FNDC3A: variants seen among roughly 807,000 people sequenced by gnomAD.
FNDC3A encodes fibronectin type III domain containing 3A, also known as fibronectin type-III domain-containing protein 3A.
Under a neutral mutation model 148.9 loss-of-function variants are expected in FNDC3A, and 32 were observed. The ratio of observed to expected loss-of-function variants is 0.21; its 90% CI spans 0.16 to 0.29. The LOEUF is 0.29. FNDC3A is among the 10% of genes least tolerant of loss of function. FNDC3A has a pLI of 1.00. For synonymous variants in FNDC3A, 472 were observed against 473.6 expected, an observed-to-expected ratio of 1.00 and a Z score of 0.04; for missense variants, 1,191 against 1,452.8, an observed-to-expected ratio of 0.82 and a Z score of 2.93.
At chr13:49,157,641 T>A (rs941020884) in intron 8 of FNDC3A, among the ~76,000 whole-genome samples, 1 of 149,898 alleles carries the variant, frequency 6.7e-6, no homozygotes, top group African/African-American at 2.4e-5. Flanking sequence ...TTTTTCCCCA[T>A]CTTTGTGGTT....
At chr13:49,000,241 T>G (rs368444686) in intron 1 of FNDC3A, among the ~76,000 whole-genome samples, 4 of 152,362 alleles carry the variant, frequency 2.6e-5, no homozygotes, top group African/African-American at 7.2e-5. Flanking sequence ...TTTAATCCAT[T>G]TTGAGTTAAT....
intron 2 of FNDC3A, among the ~76,000 whole-genome samples, chr13:49,028,205 ACT>A (rs1202335192): frequency 6.6e-6 from 1 of 151,300 alleles, no homozygotes; most frequent in South Asian, 2.1e-4. Context: ...ACAGAGTGAG[ACT>A]CTGTCTTAAA....
At position 49,167,248 on chromosome 13, in the gene FNDC3A, G is replaced by A. The variant is rs756882400; in HGVS notation, c.982G>A (p.Glu328Lys). Residue 328 changes from glutamate (E) to lysine (K), a missense_variant, in exon 9 of 26, where the codon GAA becomes AAA. By Grantham distance (56) the Glu-to-Lys change is moderately conservative. Transcript: ENST00000492622. ...ATATTACCCTTTTTTCCCCAGAGGA[G>A]AAGAAACAAATATCACTTTAAATGA... ...DGKYKSVYVGEETNITLNDLK... is the reference protein window; with the variant it reads ...DGKYKSVYVGKETNITLNDLK... The A allele has an allele frequency of 1.3e-6, 2 of 1,597,702 alleles. No homozygotes were observed. The highest frequency in any genetic ancestry group is 1.3e-5 in the African/African-American group (1 of 74,394).
chr13:49,180,884 G>A (rs1885266051), intron 14 of FNDC3A, among the ~76,000 whole-genome samples: 1 of 150,924 alleles, frequency 6.6e-6, no homozygotes, highest in South Asian at 2.1e-4. Flanking sequence ...AATACAGCGA[G>A]ATTCTGTCTC....
chr13:49,016,379 G>A (rs1872779703), intron 2 of FNDC3A, among the ~76,000 whole-genome samples: 1 of 152,136 alleles, frequency 6.6e-6, no homozygotes, highest in East Asian at 1.9e-4. Flanking sequence ...AGATTTTCTA[G>A]TTTATTTGCG....
intron 1 of FNDC3A, among the ~76,000 whole-genome samples, chr13:48,983,217 C>G (rs920844914): frequency 1.3e-5 from 2 of 152,108 alleles, no homozygotes; most frequent in African/African-American, 4.8e-5. Flanking sequence ...TATCTTGTGT[C>G]TTTTCACTTG....
chr13:49,094,107 G>A (rs1879371204), intron 3 of FNDC3A, among the ~76,000 whole-genome samples: 1 of 152,044 alleles, frequency 6.6e-6, no homozygotes, highest in Non-Finnish European at 1.5e-5. Context: ...CCTTAATTTT[G>A]ATTACCCTAA....
chr13:49,007,312 GTGT>G (rs1952240197), intron 2 of FNDC3A, among the ~76,000 whole-genome samples: 2 of 152,124 alleles, frequency 1.3e-5, no homozygotes, highest in Admixed American at 1.3e-4. Context: ...ATGGCAGAAA[GTGT>G]TGTGTCCTGG....
intron 1 of FNDC3A, among the ~76,000 whole-genome samples, chr13:48,997,090 A>G (rs1952038136): frequency 6.6e-6 from 1 of 151,878 alleles, no homozygotes; most frequent in East Asian, 1.9e-4. Context: ...AAGACATTGG[A>G]TATCTCAATC....
chr13:48,983,605 C>T (rs1951734907), intron 1 of FNDC3A, among the ~76,000 whole-genome samples: 1 of 152,218 alleles, frequency 6.6e-6, no homozygotes, highest in African/African-American at 2.4e-5. Flanking sequence ...TTGCCAACCT[C>T]TGCAATGGTG....
chr13:49,173,403 A>G (rs1884864677), intron 11 of FNDC3A, among the ~76,000 whole-genome samples: 1 of 152,236 alleles, frequency 6.6e-6, no homozygotes. Context: ...ATTTGATAAA[A>G]ATTACCATTC....
chr13:49,131,484 A>T (rs552650606), intron 5 of FNDC3A, 110 bp downstream of exon 5: 2 of 820,452 alleles, frequency 2.4e-6, no homozygotes, highest in East Asian at 4.9e-5. Flanking sequence ...GTAATGATGT[A>T]ACAGGCATTT....
chr13:49,056,788 A>T (rs557037922), intron 2 of FNDC3A, among the ~76,000 whole-genome samples: 1 of 152,128 alleles, frequency 6.6e-6, no homozygotes, highest in Non-Finnish European at 1.5e-5. Flanking sequence ...GTCTGTTTTC[A>T]TAGTTTATTA....
intron 2 of FNDC3A, chr13:49,045,673 GA>G: frequency 1.8e-6 from 2 of 1,105,830 alleles, no homozygotes; most frequent in Non-Finnish European, 2.6e-6. Context: ...GCTCTGAAGA[GA>G]AACAGAGAAA....
intron 2 of FNDC3A, among the ~76,000 whole-genome samples, chr13:49,012,213 A>G (rs892102300): frequency 6.6e-6 from 1 of 151,954 alleles, no homozygotes; most frequent in East Asian, 1.9e-4. Flanking sequence ...CCATGGGTTC[A>G]TGCCATTCTC....
chr13:49,131,897 T>C (rs931719822), intron 5 of FNDC3A, among the ~76,000 whole-genome samples: 3 of 152,218 alleles, frequency 2.0e-5, no homozygotes, highest in Middle Eastern at 3.2e-3. Context: ...CTTTAAACAC[T>C]GCCTTAAACA....
intron 8 of FNDC3A, among the ~76,000 whole-genome samples, chr13:49,149,184 G>A (rs1330278159): frequency 1.4e-5 from 2 of 146,284 alleles, no homozygotes; most frequent in East Asian, 2.0e-4. Context: ...TTTTTAATCT[G>A]AATACCTTTT....
chr13:49,026,678 AT>A (rs1237055684), intron 2 of FNDC3A, among the ~76,000 whole-genome samples: 1 of 152,036 alleles, frequency 6.6e-6, no homozygotes, highest in East Asian at 1.9e-4. Flanking sequence ...TAATTCTGTT[AT>A]TTTTTTATAG....
chr13:49,149,360 G>T (rs1883164928), intron 8 of FNDC3A, among the ~76,000 whole-genome samples: 1 of 151,934 alleles, frequency 6.6e-6, no homozygotes, highest in African/African-American at 2.4e-5. Flanking sequence ...TCTTTATTAT[G>T]TTGAGGTATG....
Sources: gnomAD v4.1 joint callset for allele counts (sites outside exome capture counted in the v4.1 genomes callset) on GRCh38, gnomAD v4.1.1 for gene constraint, MANE v1.5 for transcripts, NCBI Gene and HGNC (gene_info 2026-07-23, HGNC 2026-07-21) for gene names.